ACAD8: variants seen among roughly 807,000 people sequenced by gnomAD.
ACAD8 encodes acyl-CoA dehydrogenase family member 8, also known as isobutyryl-CoA dehydrogenase, mitochondrial.
A neutral mutation model predicts 53.1 loss-of-function variants in ACAD8; 47 were observed. The observed-to-expected ratio is 0.89, with a 90% CI of 0.70 to 1.13. The LOEUF (loss-of-function observed/expected upper bound fraction) is 1.13, where lower values mean the gene tolerates loss of function less well. Among genes scored for constraint, ACAD8 ranks in the 50% most tolerant of loss-of-function variants. ACAD8 has a pLI of 0.00. For missense variants in ACAD8, 494 were observed against 535.0 expected (o/e 0.92, Z 0.76); for synonymous variants, 198 against 201.3 (o/e 0.98, Z 0.14).
At chr11:134,259,556 T>C (rs954766586) in intron 5 of ACAD8, 52 bp from the exon 6 acceptor site, 1 of 1,613,246 alleles carries the variant, frequency 6.2e-7, no homozygotes, top group South Asian at 1.1e-5. Flanking sequence ...TCCCAGACGC[T>C]GTGAGAACTC....
chr11:134,255,795 A>G (rs909076872), intron 1 of ACAD8, among the ~76,000 whole-genome samples: 4 of 152,242 alleles, frequency 2.6e-5, no homozygotes, highest in African/African-American at 9.6e-5. Context: ...GCCCCAAGGA[A>G]CAGACTCTGG....
chr11:134,253,629 G>T lies in ACAD8; in HGVS notation c.29G>T (p.Gly10Val). Residue 10 changes from glycine to valine, a missense_variant, in exon 1 of 11, where the codon GGG becomes GTG. By Grantham distance (109) the Gly-to-Val change is moderately radical (BLOSUM62 -3). Transcript: ENST00000281182. ...CTGTGGAGCGGCTGCCGGCGTTTCGGGGCGCGCCTCGGCTGCCTGCCCGGC... is the reference window on the plus strand; with the variant it reads ...CTGTGGAGCGGCTGCCGGCGTTTCGTGGCGCGCCTCGGCTGCCTGCCCGGC... MLWSGCRRF[G>V]ARLGCLPGGL... The T allele has an allele frequency of 6.3e-7, 1 of 1,583,764 alleles. No homozygotes were observed. The highest frequency in any genetic ancestry group is 1.1e-5 in the South Asian group (1 of 87,736).
chr11:134,261,746 A>G lies in ACAD8; in HGVS notation c.948A>G (p.Gln316=), dbSNP rs148005336. The G allele has an allele frequency of 7.4e-6, 12 of 1,613,664 alleles. No homozygotes were observed. In the East Asian group the frequency reaches 1.8e-4, roughly 24 times the overall value. The change falls in exon 9 of 11, where the codon CAA becomes CAG. Residue 316 remains glutamine, a synonymous_variant. Coordinates refer to ENST00000281182, the MANE Select transcript of ACAD8 (RefSeq NM_014384.3). The surrounding 1 kb of genome is among the most constrained non-coding windows in gnomAD (Gnocchi z 4.2). The part of the protein sequence containing the change: ...GEPLASNQYL[Q]FTLADMATRL... ...TGCTCCCTGTGCTGCAGTACTTGCA[A>G]TTCACACTGGCTGATATGGCAACAA...
chr11:134,261,350 G>C lies in ACAD8; in HGVS notation c.917G>C (p.Gly306Ala). The C allele has an allele frequency of 6.2e-7, 1 of 1,614,136 alleles. No homozygotes were observed. The highest frequency in any genetic ancestry group is 2.2e-5 in the East Asian group (1 of 44,860). Residue 306 changes from glycine to alanine, a missense_variant, in exon 8 of 11, where the codon GGA becomes GCA. Coordinates refer to ENST00000281182, the MANE Select transcript of ACAD8 (RefSeq NM_014384.3). The surrounding 1 kb of genome is among the most constrained non-coding windows in gnomAD (Gnocchi z 4.2). ...RDHLNVRKQF[G>A]EPLASNQYLQ... ...CACCTCAATGTCCGGAAGCAGTTTGGAGAGCCTCTGGCCAGTAACCAGGTA... is the reference window on the plus strand; with the variant it reads ...CACCTCAATGTCCGGAAGCAGTTTGCAGAGCCTCTGGCCAGTAACCAGGTA...
intron 9 of ACAD8, chr11:134,262,214 A>AG: frequency 1.5e-6 from 1 of 646,786 alleles, no homozygotes; most frequent in Admixed American, 2.1e-5. Context: ...CATTGCCACT[A>AG]GGGGGAACCA....
chr11:134,262,773 T>C, intron 10 of ACAD8, 151 bp downstream of exon 10: 1 of 1,501,454 alleles, frequency 6.7e-7, no homozygotes, highest in East Asian at 2.6e-5. Context: ...TCCGCAGAGC[T>C]GTTCTGGCAG....
intron 10 of ACAD8, chr11:134,262,892 G>A (rs1206963280): frequency 7.4e-7 from 1 of 1,350,904 alleles, no homozygotes; most frequent in Non-Finnish European, 9.7e-7. Flanking sequence ...TGAGATAATG[G>A]ATGAGAAAGC....
intron 10 of ACAD8, among the ~76,000 whole-genome samples, 184 bp from the exon 11 acceptor site, chr11:134,264,724 C>T (rs1265659841): frequency 1.3e-5 from 2 of 152,086 alleles, no homozygotes; most frequent in Non-Finnish European, 2.9e-5. Flanking sequence ...AGTATTATTT[C>T]CTGACATTTT....
chr11:134,262,903 A>G (rs1041119223), intron 10 of ACAD8: 3 of 1,335,964 alleles, frequency 2.2e-6, no homozygotes, highest in Admixed American at 4.5e-5. Context: ...ATGAGAAAGC[A>G]TGTTGAAAAC....
chr11:134,260,686 A>G, intron 6 of ACAD8: 2 of 362,196 alleles, frequency 5.5e-6, no homozygotes, highest in South Asian at 4.6e-5. Flanking sequence ...CTATTTTCAG[A>G]GCCAGAGAGG....
chr11:134,256,494 C>G (rs1939533895), intron 1 of ACAD8, 54 bp from the exon 2 acceptor site: 2 of 1,457,142 alleles, frequency 1.4e-6, no homozygotes, highest in African/African-American at 2.8e-5. Context: ...TTGGCAACAC[C>G]TTGTTGGCAA....
At chr11:134,255,480 C>T (rs1212826323) in intron 1 of ACAD8, among the ~76,000 whole-genome samples, 1 of 152,192 alleles carries the variant, frequency 6.6e-6, no homozygotes, top group Non-Finnish European at 1.5e-5. Context: ...ACCTAGTAAA[C>T]ACCCAATAAA....
intron 3 of ACAD8, chr11:134,257,621 C>T (rs1290539123): frequency 3.2e-5 from 11 of 341,778 alleles, no homozygotes; most frequent in East Asian, 1.5e-4. Context: ...TGCAGTGAGC[C>T]GAGATGGACC....
chr11:134,258,442 CCTT>C, intron 3 of ACAD8, 70 bp from the exon 4 acceptor site: 2 of 1,035,220 alleles, frequency 1.9e-6, no homozygotes, highest in Non-Finnish European at 3.0e-6. Context: ...TTCTCTTTCC[CCTT>C]CTCCCCCATT....
chr11:134,262,019 G>C (rs1939910895), intron 9 of ACAD8, 129 bp downstream of exon 9: 4 of 1,166,782 alleles, frequency 3.4e-6, no homozygotes, highest in African/African-American at 1.5e-5. Flanking sequence ...TTAAGCTTAA[G>C]GATATAAATG....
chr11:134,255,063 A>C (rs1939419383), intron 1 of ACAD8, among the ~76,000 whole-genome samples: 1 of 152,206 alleles, frequency 6.6e-6, no homozygotes, highest in Non-Finnish European at 1.5e-5. Context: ...AGCCATTTAC[A>C]GAAGAAGAAG....
intron 4 of ACAD8, 29 bp downstream of exon 4, chr11:134,258,653 A>T: frequency 6.6e-7 from 1 of 1,510,646 alleles, no homozygotes; most frequent in Non-Finnish European, 9.2e-7. Context: ...ACTGAGATAT[A>T]GCAGGGAGAG....
chr11:134,259,674 C>A lies in ACAD8; in HGVS notation c.634C>A (p.Pro212Thr). The change falls in exon 6 of 11, where the codon CCC becomes ACC. Residue 212 changes from proline to threonine, a missense_variant. Coordinates refer to ENST00000281182, the MANE Select transcript of ACAD8 (RefSeq NM_014384.3). Reference protein sequence around the residue: ...VVMCRTGGPGPKGISCIVVEK... With the variant: ...VVMCRTGGPGTKGISCIVVEK... Reference sequence around the variant, plus strand: ...CATGTGCCGAACAGGAGGACCAGGCCCCAAGGGCATCTCATGCATAGTTGT... The same window carrying A: ...CATGTGCCGAACAGGAGGACCAGGCACCAAGGGCATCTCATGCATAGTTGT... The A allele has an allele frequency of 6.2e-7, 1 of 1,614,178 alleles. No homozygotes were observed. The highest frequency in any genetic ancestry group is 8.5e-7 in the Non-Finnish European group (1 of 1,180,036).
At position 134,261,847 on chromosome 11, in the gene ACAD8, T is replaced by G. The variant is rs769758415; in HGVS notation, c.1049T>G (p.Leu350Trp). 8.1e-6 allele frequency: 13 copies of G among 1,614,172 alleles called. 1 individual carries two copies. The South Asian group carries it at 1.4e-4, about 18-fold the overall frequency. Residue 350 changes from leucine (L) to tryptophan (W), a missense_variant, in exon 9 of 11, where the codon TTG (leucine) becomes TGG (tryptophan). Physicochemically the swap from Leu to Trp is moderately conservative, Grantham distance 61. Transcript: ENST00000281182. The surrounding 1 kb of genome is among the most constrained non-coding windows in gnomAD (Gnocchi z 4.2). ...LQEERKDAVA[L>W]CSMAKLFATD... Reference sequence around the variant, plus strand: ...GAGGAGAGGAAGGATGCAGTGGCCTTGTGCTCCATGGCCAAGCTCTTTGCT... The same window carrying G: ...GAGGAGAGGAAGGATGCAGTGGCCTGGTGCTCCATGGCCAAGCTCTTTGCT...
Sources: allele counts gnomAD v4.1 joint callset (sites outside exome capture counted in the v4.1 genomes callset), GRCh38; gene constraint gnomAD v4.1.1; non-coding constraint Gnocchi (gnomAD v3.1); transcripts MANE v1.5; gene names NCBI Gene and HGNC (gene_info 2026-07-23, HGNC 2026-07-21).